KCMF1: variants seen among roughly 807,000 people sequenced by gnomAD.
KCMF1 encodes potassium channel modulatory factor 1, also known as E3 ubiquitin-protein ligase KCMF1.
A neutral mutation model predicts 41.1 loss-of-function variants in KCMF1; 3 were observed. That is an observed-to-expected ratio of 0.07 (90% CI 0.03 to 0.19). The LOEUF (loss-of-function observed/expected upper bound fraction) is 0.19. KCMF1 is among the 10% of genes least tolerant of loss of function. KCMF1 has a pLI of 1.00. For synonymous variants in KCMF1, 142 were observed against 164.5 expected (o/e 0.86, Z 1.04); for missense variants, 286 against 488.9 (o/e 0.58, Z 3.91).
intron 1 of KCMF1, among the ~76,000 whole-genome samples, chr2:85,026,419 G>A (rs906582768): frequency 1.3e-5 from 2 of 148,840 alleles, no homozygotes; most frequent in Admixed American, 1.3e-4. Flanking sequence ...TTACAGGTGT[G>A]AGCTATGGCA....
intron 3 of KCMF1, among the ~76,000 whole-genome samples, chr2:85,036,980 G>T (rs1675418714): frequency 6.6e-6 from 1 of 151,578 alleles, no homozygotes. Context: ...GCCTCTGGTT[G>T]GTTTGCCCCA....
chr2:84,981,307 A>G (rs958787877), intron 1 of KCMF1, among the ~76,000 whole-genome samples: 1 of 151,232 alleles, frequency 6.6e-6, no homozygotes, highest in African/African-American at 2.4e-5. Flanking sequence ...CTCCTGCCTC[A>G]GCCTCCCAAG....
chr2:85,051,579 A>G (rs957113801), intron 6 of KCMF1, among the ~76,000 whole-genome samples: 2 of 151,970 alleles, frequency 1.3e-5, no homozygotes, highest in African/African-American at 4.8e-5. Context: ...TCCCCCTTCT[A>G]TCATCTGATA....
chr2:84,984,695 C>G (rs1673854697), intron 1 of KCMF1, among the ~76,000 whole-genome samples: 1 of 151,978 alleles, frequency 6.6e-6, no homozygotes, highest in Admixed American at 6.6e-5. Flanking sequence ...TGGCGCATGC[C>G]CATAATCCTA....
rs1380497737 is a variant in KCMF1 at position 84,971,447 on chromosome 2, C to G, written c.-5C>G. On this transcript the variant is annotated 5_prime_UTR_variant, in exon 1 of 7. Transcript: ENST00000409785. Reference sequence around the variant, plus strand: ...AGGGGCCGCGCCGCCACCGTCTGAACTAGGATGTCCCGACATGAAGGTGAG... The same window carrying G: ...AGGGGCCGCGCCGCCACCGTCTGAAGTAGGATGTCCCGACATGAAGGTGAG... The G allele has an allele frequency of 7.8e-7, 1 of 1,281,862 alleles. No homozygotes were observed. Among genetic ancestry groups the G allele is most frequent in the Admixed American group, 2.8e-5 (1 of 35,800 alleles). 79.4% of individuals were successfully genotyped at this position (1,281,862 alleles called of 1,614,324 possible).
chr2:85,016,164 C>G (rs1674763994), intron 1 of KCMF1, among the ~76,000 whole-genome samples: 1 of 152,178 alleles, frequency 6.6e-6, no homozygotes, highest in Admixed American at 6.5e-5. Context: ...ACTAAGCTTC[C>G]CGGTTCTCTT....
chr2:84,998,433 A>G (rs1450120579), intron 1 of KCMF1, among the ~76,000 whole-genome samples: 1 of 152,114 alleles, frequency 6.6e-6, no homozygotes, highest in African/African-American at 2.4e-5. Flanking sequence ...ACACATACAT[A>G]ATGGAAACAA....
chr2:85,035,224 C>A, intron 3 of KCMF1, 69 bp downstream of exon 3: 1 of 1,342,624 alleles, frequency 7.4e-7, no homozygotes, highest in Non-Finnish European at 1.0e-6. Flanking sequence ...ATTAATAAAG[C>A]TAGGTCACTG....
intron 5 of KCMF1, among the ~76,000 whole-genome samples, chr2:85,048,810 A>T (rs1675733138): frequency 6.6e-6 from 1 of 152,266 alleles, no homozygotes; most frequent in African/African-American, 2.4e-5. Context: ...CTGAAACAGC[A>T]GTACCAGAAG....
intron 1 of KCMF1, among the ~76,000 whole-genome samples, chr2:85,000,297 G>A (rs6725490): frequency 1.1e-4 from 16 of 151,982 alleles, no homozygotes; most frequent in Non-Finnish European, 1.8e-4. Context: ...AGCTAATTTC[G>A]TGTTTTTAGT....
At chr2:85,029,985 G>A (rs531819182) in intron 2 of KCMF1, among the ~76,000 whole-genome samples, 6 of 152,004 alleles carry the variant, frequency 3.9e-5, no homozygotes, top group South Asian at 4.2e-4. Context: ...GCCTGGCTTC[G>A]TGCTATAATT....
At chr2:85,042,515 C>G (rs1675563417) in intron 3 of KCMF1, among the ~76,000 whole-genome samples, 1 of 152,188 alleles carries the variant, frequency 6.6e-6, no homozygotes, top group Non-Finnish European at 1.5e-5. Flanking sequence ...GGCACATGTA[C>G]TGGCAATGAA....
At chr2:84,993,747 T>G (rs1402473135) in intron 1 of KCMF1, among the ~76,000 whole-genome samples, 1 of 151,316 alleles carries the variant, frequency 6.6e-6, no homozygotes, top group East Asian at 1.9e-4. Context: ...GGCTATTTTT[T>G]GTATTTTTAG....
At chr2:84,993,119 G>C (rs1241956350) in intron 1 of KCMF1, among the ~76,000 whole-genome samples, 1 of 151,922 alleles carries the variant, frequency 6.6e-6, no homozygotes, top group African/African-American at 2.4e-5. Context: ...CCCAGGAGGT[G>C]GAGGCTGTGG....
intron 1 of KCMF1, among the ~76,000 whole-genome samples, chr2:85,008,389 G>C (rs369920760): frequency 3.8e-4 from 5 of 13,022 alleles, no homozygotes; most frequent in South Asian, 2.9e-3. Flanking sequence ...TATTATATAT[G>C]ATATATATTA....
intron 1 of KCMF1, among the ~76,000 whole-genome samples, chr2:85,016,974 CT>C (rs1558576651): frequency 7.4e-6 from 1 of 135,978 alleles, no homozygotes; most frequent in East Asian, 2.3e-4. Flanking sequence ...CCTAGTTCAT[CT>C]TTTTTACTTG....
chr2:85,036,466 A>C (rs1361108506), intron 3 of KCMF1, among the ~76,000 whole-genome samples: 1 of 152,180 alleles, frequency 6.6e-6, no homozygotes, highest in African/African-American at 2.4e-5. Flanking sequence ...ACCATAACAC[A>C]AACATGGAGT....
chr2:85,042,393 C>T (rs1277858459), intron 3 of KCMF1, among the ~76,000 whole-genome samples: 1 of 152,152 alleles, frequency 6.6e-6, no homozygotes, highest in Non-Finnish European at 1.5e-5. Context: ...CCTTCCAAGT[C>T]TCACCTTTTC....
chr2:85,020,291 C>G (rs1402699998), intron 1 of KCMF1, among the ~76,000 whole-genome samples: 1 of 152,182 alleles, frequency 6.6e-6, no homozygotes, highest in Non-Finnish European at 1.5e-5. Flanking sequence ...CCTAAATTCA[C>G]ACTACAATTT....
Sources: gnomAD v4.1 joint callset for allele counts (sites outside exome capture counted in the v4.1 genomes callset) on GRCh38, gnomAD v4.1.1 for gene constraint, MANE v1.5 for transcripts, NCBI Gene and HGNC (gene_info 2026-07-23, HGNC 2026-07-21) for gene names.